The following PDE4B variants were observed in gnomAD, a reference collection of about 807,000 sequenced individuals.
The protein encoded by PDE4B is 3',5'-cyclic-AMP phosphodiesterase 4B.
PDE4B carries 20 observed loss-of-function variants against 82.2 expected under a neutral mutation model. That is an observed-to-expected ratio of 0.24 (90% CI 0.17 to 0.35). PDE4B has a LOEUF of 0.35. PDE4B is among the 10% of genes least tolerant of loss of function. PDE4B has a pLI of 1.00. For synonymous variants in PDE4B, 320 were observed against 318.9 expected, an observed-to-expected ratio of 1.00 and a Z score of -0.04; for missense variants, 655 against 907.2, an observed-to-expected ratio of 0.72 and a Z score of 3.57.
chr1:66,241,677 G>T (rs555266628), intron 3 of PDE4B, among the ~76,000 whole-genome samples: 6 of 152,002 alleles, frequency 3.9e-5, no homozygotes, highest in Non-Finnish European at 5.9e-5. Context: ...TTTTCCAATA[G>T]AAATTTTAAG....
intron 3 of PDE4B, among the ~76,000 whole-genome samples, chr1:65,921,236 G>A (rs567553164): frequency 6.6e-6 from 1 of 152,048 alleles, no homozygotes; most frequent in South Asian, 2.1e-4. Flanking sequence ...CCAAAGTGCT[G>A]GGATTACAGG....
In PDE4B at chr1:66,139,075, T is replaced by C. The variant is rs556019771; in HGVS notation, c.282-108385T>C. Among the ~76,000 whole-genome samples, 11 of 152,352 alleles carry C rather than the reference T, an allele frequency of 7.2e-5. No homozygotes were observed. The South Asian group carries it at 2.1e-3, about 29-fold the overall frequency. On this transcript the variant is annotated intron_variant, in intron 3 of 16. Coordinates refer to ENST00000341517, the MANE Select transcript of PDE4B (RefSeq NM_002600.4). Reference sequence around the variant, plus strand: ...CTAATTATAACCTCTGTATTTGTTTTCTATTGTTGATGTTACAAATTACCA... The same window carrying C: ...CTAATTATAACCTCTGTATTTGTTTCCTATTGTTGATGTTACAAATTACCA...
At chr1:66,254,160 G>A (rs1030385763) in intron 4 of PDE4B, among the ~76,000 whole-genome samples, 1 of 152,018 alleles carries the variant, frequency 6.6e-6, no homozygotes, top group African/African-American at 2.4e-5. Context: ...AATTCATCCT[G>A]TTGTCTTATG....
At chr1:66,052,946 AT>A (rs1189742744) in intron 3 of PDE4B, among the ~76,000 whole-genome samples, 1 of 152,178 alleles carries the variant, frequency 6.6e-6, no homozygotes, top group Non-Finnish European at 1.5e-5. Flanking sequence ...AGTATTCAAT[AT>A]TTCTTAGGCA....
chr1:66,293,226 G>A (rs1557683343), intron 7 of PDE4B, among the ~76,000 whole-genome samples: 1 of 152,122 alleles, frequency 6.6e-6, no homozygotes, highest in Admixed American at 6.6e-5. Context: ...CGCTTGCTTG[G>A]ACAAGTGTCT....
At chr1:66,037,141 A>G (rs570155355) in intron 3 of PDE4B, among the ~76,000 whole-genome samples, 38 of 152,000 alleles carry the variant, frequency 2.5e-4, no homozygotes, top group Non-Finnish European at 5.0e-4. Context: ...AAAAAAAAAA[A>G]AAGAAATAAT....
intron 3 of PDE4B, among the ~76,000 whole-genome samples, chr1:66,169,511 G>C (rs1455537745): frequency 1.3e-5 from 2 of 152,124 alleles, no homozygotes; most frequent in Non-Finnish European, 2.9e-5. Context: ...CCTTTGTTGT[G>C]GTCTCACATA....
chr1:66,363,651 C>T (rs1454104961), intron 12 of PDE4B, 80 bp downstream of exon 12: 1 of 1,173,664 alleles, frequency 8.5e-7, no homozygotes, highest in Middle Eastern at 2.2e-4. Context: ...GTAGCATGTG[C>T]CTGTAGTCCT....
At chr1:66,107,243 C>A (rs995858138) in intron 3 of PDE4B, among the ~76,000 whole-genome samples, 5 of 151,920 alleles carry the variant, frequency 3.3e-5, no homozygotes, top group African/African-American at 1.2e-4. Flanking sequence ...TGTAGTTGAG[C>A]GGTTTTGAGT....
At chr1:66,289,510 C>CTTGAGAAAGGTATAT (rs1553166867) in intron 7 of PDE4B, among the ~76,000 whole-genome samples, 3 of 151,756 alleles carry the variant, frequency 2.0e-5, no homozygotes, top group Non-Finnish European at 4.4e-5. Flanking sequence ...ATTCAAAGGT[C>CTTGAGAAAGGTATAT]TTGAGAAAGG....
chr1:66,291,238 C>T (rs1657054664), intron 7 of PDE4B, among the ~76,000 whole-genome samples: 1 of 152,026 alleles, frequency 6.6e-6, no homozygotes, highest in Non-Finnish European at 1.5e-5. Flanking sequence ...TGATCTCATA[C>T]TACAGATAAG....
chr1:65,987,530 A>G (rs1421546838), intron 3 of PDE4B, among the ~76,000 whole-genome samples: 1 of 152,194 alleles, frequency 6.6e-6, no homozygotes, highest in Admixed American at 6.5e-5. Context: ...GTATAATAAA[A>G]TGGACACTAT....
intron 12 of PDE4B, among the ~76,000 whole-genome samples, chr1:66,365,386 C>T (rs1286265840): frequency 3.3e-5 from 5 of 152,152 alleles, no homozygotes; most frequent in Admixed American, 2.6e-4. Context: ...AAGAAACAAA[C>T]ATTAGACGTT....
intron 1 of PDE4B, among the ~76,000 whole-genome samples, chr1:65,802,609 AAAATAG>A (rs750904073): frequency 3.3e-5 from 5 of 152,194 alleles, no homozygotes; most frequent in Non-Finnish European, 5.9e-5. Context: ...GAAAAAAGGG[AAAATAG>A]ATATGGGGTA....
intron 3 of PDE4B, among the ~76,000 whole-genome samples, chr1:66,102,424 G>A (rs971455661): frequency 2.6e-5 from 4 of 152,158 alleles, no homozygotes; most frequent in Admixed American, 6.6e-5. Context: ...AGCAGCACAT[G>A]GGAAATATTG....
chr1:65,841,634 G>C (rs946562219), intron 1 of PDE4B, among the ~76,000 whole-genome samples: 2 of 152,238 alleles, frequency 1.3e-5, no homozygotes, highest in East Asian at 3.9e-4. Flanking sequence ...ATTTAAATAT[G>C]TTTGAAAATA....
chr1:65,859,218 G>A (rs889405572), intron 1 of PDE4B, among the ~76,000 whole-genome samples: 72 of 151,878 alleles, frequency 4.7e-4, no homozygotes, highest in African/African-American at 1.4e-3. Flanking sequence ...TAAAATAATT[G>A]ATATAAGATA....
At chr1:66,001,370 G>C (rs1296066607) in intron 3 of PDE4B, among the ~76,000 whole-genome samples, 1 of 152,112 alleles carries the variant, frequency 6.6e-6, no homozygotes, top group African/African-American at 2.4e-5. Context: ...AGCACATTTC[G>C]ATGGAGAGCA....
chr1:66,291,318 G>C (rs1657062172), intron 7 of PDE4B, among the ~76,000 whole-genome samples: 1 of 152,112 alleles, frequency 6.6e-6, no homozygotes, highest in South Asian at 2.1e-4. Context: ...GCAGCCAAGA[G>C]TGGAATCCAG....
Sources: allele counts gnomAD v4.1 joint callset (sites outside exome capture counted in the v4.1 genomes callset), GRCh38; gene constraint gnomAD v4.1.1; transcripts MANE v1.5; gene names NCBI Gene and HGNC (gene_info 2026-07-23, HGNC 2026-07-21).